KDM6A: variants seen among roughly 807,000 people sequenced by gnomAD.
KDM6A encodes the protein lysine-specific demethylase 6A.
Under a neutral mutation model 117.6 loss-of-function variants are expected in KDM6A, and 11 were observed. The observed-to-expected ratio is 0.09, with a 90% confidence interval of 0.06 to 0.15. The LOEUF (loss-of-function observed/expected upper bound fraction) is 0.15. KDM6A is among the 10% of genes least tolerant of loss of function. The pLI, the probability that KDM6A is intolerant of heterozygous loss-of-function variation, is 1.00. For missense variants in KDM6A, 799 were observed against 1,077.3 expected (o/e 0.74, Z 3.62); for synonymous variants, 384 against 396.1 (o/e 0.97, Z 0.36).
intron 2 of KDM6A, among the ~76,000 whole-genome samples, chrX:44,954,312 TGC>T (rs1196499115): frequency 9.0e-6 from 1 of 111,547 alleles, no homozygotes; most frequent in East Asian, 2.8e-4. Flanking sequence ...AGTTTAATGA[TGC>T]ATACACTTTT....
At position 44,892,691 on chromosome X, in the gene KDM6A, CAAACAA is replaced by C. The variant is rs1345870852; in HGVS notation, c.225+18720_225+18725del. 8.8e-5 allele frequency among the ~76,000 whole-genome samples: 9 copies of C among 102,346 alleles called. No individual in the cohort carries two copies. In the East Asian group the frequency reaches 9.5e-4, roughly 11 times the overall value. 88.9% of individuals were successfully genotyped at this position (102,346 alleles called of 115,157 possible). ...TGGGCGACTGAGCGAGACTCTGTCT[CAAACAA>C]AAACAAAAACAAAAAACAAAAGTTG... On this transcript the variant is annotated intron_variant, in intron 2 of 29. Coordinates refer to ENST00000611820, the MANE Select transcript of KDM6A (RefSeq NM_001291415.2).
At chrX:44,882,410 C>G (rs1373044665) in intron 2 of KDM6A, among the ~76,000 whole-genome samples, 3 of 112,121 alleles carry the variant, frequency 2.7e-5, no homozygotes, top group Non-Finnish European at 5.6e-5. Context: ...GCCCTTATTA[C>G]ATGTAAAATA....
intron 2 of KDM6A, among the ~76,000 whole-genome samples, chrX:44,924,029 C>CT (rs2036151320): frequency 8.9e-6 from 1 of 112,024 alleles, no homozygotes; most frequent in Non-Finnish European, 1.9e-5. Flanking sequence ...GGCCTAATCT[C>CT]CTCTTTATTT....
In KDM6A at chrX:45,022,343, T is replaced by A. The variant is rs761823534; in HGVS notation, c.564+1613T>A. Reference sequence around the variant, plus strand: ...CACTTTTATTTGTTCAGGTAGAAAGTCTAAAAAGTCAAGTCATGGTGATCT... The same window carrying A: ...CACTTTTATTTGTTCAGGTAGAAAGACTAAAAAGTCAAGTCATGGTGATCT... On this transcript the variant is annotated intron_variant, in intron 6 of 29. Transcript: ENST00000611820. Among the ~76,000 whole-genome samples, 14 of 112,165 alleles carry A rather than the reference T, an allele frequency of 1.2e-4. No homozygotes were observed. In the South Asian group the frequency reaches 5.1e-3, roughly 41 times the overall value.
intron 2 of KDM6A, among the ~76,000 whole-genome samples, chrX:44,909,137 G>A (rs2034919121): frequency 9.0e-6 from 1 of 111,583 alleles, no homozygotes; most frequent in Non-Finnish European, 1.9e-5. Context: ...CCATTACACC[G>A]ACTTCTATCA....
intron 2 of KDM6A, among the ~76,000 whole-genome samples, chrX:44,955,592 T>C (rs1195114041): frequency 9.0e-6 from 1 of 111,716 alleles, no homozygotes; most frequent in Non-Finnish European, 1.9e-5. Flanking sequence ...AGAACTCTTT[T>C]CATCTTGTAA....
Position 45,076,754 on chromosome X carries a change from T to C in KDM6A, c.2916T>C (p.Pro972=), listed in dbSNP as rs1250956160. The C allele has an allele frequency of 8.5e-7, 1 of 1,183,426 alleles. No individual in the cohort carries two copies. The highest frequency in any genetic ancestry group is 1.1e-6 in the Non-Finnish European group (1 of 872,489). Reference sequence around the variant, plus strand: ...GCATTTTGTTGGATAAATGTCCACCTCCAAGACCACCATCTTCACCATACC... The same window carrying C: ...GCATTTTGTTGGATAAATGTCCACCCCCAAGACCACCATCTTCACCATACC... The part of the protein sequence containing the change: ...NSSILLDKCP[P]PRPPSSPYPP... The change falls in exon 19 of 30, where the codon CCT becomes CCC. Residue 972 remains proline (P), a synonymous_variant. Coordinates refer to ENST00000611820, the MANE Select transcript of KDM6A (RefSeq NM_001291415.2).
At chrX:44,962,380 C>T (rs954517576) in intron 3 of KDM6A, among the ~76,000 whole-genome samples, 26 of 111,501 alleles carry the variant, frequency 2.3e-4, no homozygotes, top group Non-Finnish European at 1.5e-4. Flanking sequence ...ATATAAACAT[C>T]GCTGAGTATC....
At chrX:44,922,916 A>AC (rs34767624) in intron 2 of KDM6A, among the ~76,000 whole-genome samples, 20,203 of 111,952 alleles carry the variant, frequency 0.18, 2,696 homozygotes, top group African/African-American at 0.47. Flanking sequence ...TTAAGTTCTT[A>AC]AGTGAAGATT....
intron 2 of KDM6A, among the ~76,000 whole-genome samples, chrX:44,957,455 T>C (rs773681251): frequency 8.9e-5 from 10 of 112,384 alleles, no homozygotes; most frequent in Middle Eastern, 4.6e-3. Flanking sequence ...AGCTCAAAAC[T>C]TCACCTGTCA....
At chrX:44,973,287 G>A (rs1352957608) in intron 3 of KDM6A, among the ~76,000 whole-genome samples, 1 of 111,259 alleles carries the variant, frequency 9.0e-6, no homozygotes, top group African/African-American at 3.3e-5. Flanking sequence ...GCTGTCCTGG[G>A]ATCACCCTTT....
At chrX:44,927,248 C>T (rs907387369) in intron 2 of KDM6A, among the ~76,000 whole-genome samples, 4 of 111,072 alleles carry the variant, frequency 3.6e-5, no homozygotes, top group Non-Finnish European at 7.5e-5. Flanking sequence ...CCTTATCTCC[C>T]TTCAGTAGAG....
chrX:45,084,343 T>G (rs560450296), intron 24 of KDM6A, among the ~76,000 whole-genome samples: 1 of 112,182 alleles, frequency 8.9e-6, no homozygotes, highest in East Asian at 2.8e-4. Context: ...ATTCAAAATA[T>G]TTAACAATTG....
At chrX:45,007,360 T>A (rs1161297091) in intron 4 of KDM6A, among the ~76,000 whole-genome samples, 1 of 111,348 alleles carries the variant, frequency 9.0e-6, no homozygotes, top group Non-Finnish European at 1.9e-5. Flanking sequence ...TTTTAAAAAA[T>A]CTTTAAAGTA....
At chrX:45,052,003 G>T (rs2043876863) in intron 9 of KDM6A, among the ~76,000 whole-genome samples, 1 of 111,164 alleles carries the variant, frequency 9.0e-6, no homozygotes, top group Non-Finnish European at 1.9e-5. Flanking sequence ...TAGTACAGCT[G>T]GTCCTTTTAA....
chrX:45,099,418 T>G (rs1212307987), intron 27 of KDM6A, among the ~76,000 whole-genome samples: 6 of 110,994 alleles, frequency 5.4e-5, no homozygotes, highest in Admixed American at 3.8e-4. Flanking sequence ...AATGACATTT[T>G]CTTCTTGAAG....
At chrX:44,942,358 T>G (rs1361378890) in intron 2 of KDM6A, among the ~76,000 whole-genome samples, 2 of 110,450 alleles carry the variant, frequency 1.8e-5, no homozygotes, top group African/African-American at 3.3e-5. Flanking sequence ...GAAATTGTCT[T>G]TGCACATTGT....
At chrX:44,994,826 T>A (rs1183065774) in intron 4 of KDM6A, among the ~76,000 whole-genome samples, 1 of 111,057 alleles carries the variant, frequency 9.0e-6, no homozygotes, top group African/African-American at 3.3e-5. Flanking sequence ...TCTGATTGGC[T>A]AATTTAAAGA....
intron 2 of KDM6A, among the ~76,000 whole-genome samples, chrX:44,945,266 T>G (rs924498004): frequency 1.8e-5 from 2 of 111,679 alleles, no homozygotes; most frequent in African/African-American, 6.5e-5. Flanking sequence ...AAAGTTTCTT[T>G]AGGCAGTAAG....
Sources: allele counts gnomAD v4.1 joint callset (sites outside exome capture counted in the v4.1 genomes callset), GRCh38; gene constraint gnomAD v4.1.1; transcripts MANE v1.5; gene names NCBI Gene and HGNC (gene_info 2026-07-23, HGNC 2026-07-21).